Variants in CEP89 observed in about 807,000 individuals in gnomAD.
The protein encoded by CEP89 is centrosomal protein of 89 kDa.
In CEP89, 95 loss-of-function variants were observed where a neutral mutation model predicts 97.6. That is an observed-to-expected ratio of 0.97 (90% CI 0.82 to 1.15). The LOEUF (loss-of-function observed/expected upper bound fraction) is 1.15, where lower values mean the gene tolerates loss of function less well. Among genes scored for constraint, CEP89 ranks in the 50% most tolerant of loss-of-function variants. The pLI is 0.00. For synonymous variants in CEP89, 354 were observed against 349.1 expected (o/e 1.01, Z -0.16); for missense variants, 869 against 947.7 (o/e 0.92, Z 1.09).
intron 5 of CEP89, among the ~76,000 whole-genome samples, chr19:32,942,369 G>A (rs577892037): frequency 2.4e-4 from 37 of 152,154 alleles, no homozygotes; most frequent in African/African-American, 6.7e-4. Flanking sequence ...CAACAAGAGC[G>A]ACCCCGCCTC....
intron 16 of CEP89, among the ~76,000 whole-genome samples, 161 bp from the exon 17 acceptor site, chr19:32,888,002 C>G (rs1226108778): frequency 1.3e-5 from 2 of 152,234 alleles, no homozygotes; most frequent in Non-Finnish European, 2.9e-5. Flanking sequence ...GCCTGGGCCT[C>G]AGGCCAACAG....
intron 14 of CEP89, among the ~76,000 whole-genome samples, chr19:32,907,059 T>G (rs1254836570): frequency 6.6e-6 from 1 of 152,134 alleles, no homozygotes; most frequent in East Asian, 1.9e-4. Context: ...TCCCTGTGGC[T>G]TAAGGAAGAA....
At chr19:32,922,970 C>T (rs1472139589) in intron 12 of CEP89, among the ~76,000 whole-genome samples, 1 of 152,198 alleles carries the variant, frequency 6.6e-6, no homozygotes, top group Non-Finnish European at 1.5e-5. Flanking sequence ...AAGGGGCTTT[C>T]GGAGGAAGGA....
intron 4 of CEP89, among the ~76,000 whole-genome samples, chr19:32,952,903 CAAAAAA>C (rs34455504): frequency 2.7e-4 from 13 of 48,776 alleles, no homozygotes; most frequent in African/African-American, 8.0e-4. Context: ...GACTCTGTCT[CAAAAAA>C]AAAAAAAAAA....
intron 14 of CEP89, among the ~76,000 whole-genome samples, chr19:32,902,860 A>G (rs1474434907): frequency 1.3e-5 from 2 of 152,234 alleles, no homozygotes; most frequent in Non-Finnish European, 2.9e-5. Context: ...CAGTAGGCAG[A>G]ACAATTTCTG....
At chr19:32,935,861 C>T (rs528136489) in intron 7 of CEP89, among the ~76,000 whole-genome samples, 1 of 152,280 alleles carries the variant, frequency 6.6e-6, no homozygotes, top group East Asian at 1.9e-4. Flanking sequence ...GCCCCCACCA[C>T]CCACCATAGG....
At position 32,882,855 on chromosome 19, in the gene CEP89, A is replaced by AT. The variant is rs559147561; in HGVS notation, c.1966-843dup. 2.2e-3 allele frequency among the ~76,000 whole-genome samples: 337 copies of AT among 151,312 alleles called. 2 individuals are homozygous for AT. The highest frequency in any genetic ancestry group is 7.8e-3 in the African/African-American group (321 of 41,306). ...GAAGGTTCTGAATTTTCCTGTGAGC[A>AT]TTTTTTTTCTTTTTTTTTGAGACGG... is the stretch of plus-strand genomic sequence containing the variant. On this transcript the variant is annotated intron_variant, in intron 17 of 18. Coordinates refer to ENST00000305768, the MANE Select transcript of CEP89 (RefSeq NM_032816.5).
chr19:32,880,198 C>T (rs1439367188), intron 18 of CEP89, among the ~76,000 whole-genome samples: 1 of 152,188 alleles, frequency 6.6e-6, no homozygotes, highest in Non-Finnish European at 1.5e-5. Context: ...GGAGCATGGC[C>T]AGGCTGGAGA....
chr19:32,936,585 C>T lies in CEP89; in HGVS notation c.667+1046G>A, dbSNP rs994686409. 2.6e-5 allele frequency among the ~76,000 whole-genome samples: 4 copies of T among 152,118 alleles called. No homozygotes were observed. The highest frequency in any genetic ancestry group is 7.2e-5 in the African/African-American group (3 of 41,434). ...ATGGCCACCCATGGACCAATCGGTGCGCACTTCCTCCCTTCTGAGGCCCAT... is the reference window on the plus strand; with the variant it reads ...ATGGCCACCCATGGACCAATCGGTGTGCACTTCCTCCCTTCTGAGGCCCAT... On this transcript the variant is annotated intron_variant, in intron 7 of 18. Transcript: ENST00000305768. The surrounding 1 kb of genome is among the most constrained non-coding windows in gnomAD (Gnocchi z 4.5).
At chr19:32,901,965 CCA>C (rs142983631) in intron 14 of CEP89, among the ~76,000 whole-genome samples, 7,654 of 146,912 alleles carry the variant, frequency 0.052, 245 homozygotes, top group South Asian at 0.15. Flanking sequence ...TCTTTTTCTC[CCA>C]CAGTTTTGGC....
intron 12 of CEP89, among the ~76,000 whole-genome samples, 164 bp downstream of exon 12, chr19:32,923,275 G>C (rs1201014318): frequency 6.6e-6 from 1 of 152,186 alleles, no homozygotes; most frequent in African/African-American, 2.4e-5. Context: ...TGTAAGTTTA[G>C]AATAATTTAT....
chr19:32,939,733 A>G (rs1599759881), intron 6 of CEP89, 124 bp downstream of exon 6: 2 of 550,380 alleles, frequency 3.6e-6, no homozygotes, highest in South Asian at 3.9e-5. Flanking sequence ...TCTTAAGGGA[A>G]GATTTATTTT....
intron 4 of CEP89, among the ~76,000 whole-genome samples, chr19:32,950,272 T>G (rs1054864846): frequency 3.9e-5 from 6 of 152,084 alleles, no homozygotes; most frequent in African/African-American, 1.4e-4. Context: ...TTAAAAAGCA[T>G]TAGGGGCCAG....
At chr19:32,913,263 C>G (rs574795978) in intron 14 of CEP89, among the ~76,000 whole-genome samples, 1 of 148,394 alleles carries the variant, frequency 6.7e-6, no homozygotes, top group Admixed American at 6.8e-5. Context: ...ATACAAGATT[C>G]TTTTTGACAT....
At chr19:32,890,134 C>T (rs1011681406) in intron 16 of CEP89, among the ~76,000 whole-genome samples, 1 of 152,234 alleles carries the variant, frequency 6.6e-6, no homozygotes, top group South Asian at 2.1e-4. Flanking sequence ...CAGCCGGGCA[C>T]GGTGGTTCAC....
At chr19:32,907,672 G>A (rs1232236057) in intron 14 of CEP89, among the ~76,000 whole-genome samples, 1 of 151,976 alleles carries the variant, frequency 6.6e-6, no homozygotes, top group Non-Finnish European at 1.5e-5. Flanking sequence ...GGCTGGTCTT[G>A]ATCTCCTGAC....
At chr19:32,919,235 C>T (rs1970199014) in intron 12 of CEP89, among the ~76,000 whole-genome samples, 1 of 152,052 alleles carries the variant, frequency 6.6e-6, no homozygotes, top group Non-Finnish European at 1.5e-5. Flanking sequence ...CCTCTCAGCA[C>T]AAACAAATCC....
chr19:32,943,224 T>C (rs1326207302), intron 5 of CEP89, among the ~76,000 whole-genome samples: 1 of 152,228 alleles, frequency 6.6e-6, no homozygotes. Context: ...CTCAAATTCC[T>C]GGGCTCGAGC....
At chr19:32,922,453 G>A (rs1970269341) in intron 12 of CEP89, among the ~76,000 whole-genome samples, 1 of 152,184 alleles carries the variant, frequency 6.6e-6, no homozygotes, top group Non-Finnish European at 1.5e-5. Context: ...TGAGGTGGGA[G>A]GATGGCTTTA....
Sources: allele counts gnomAD v4.1 joint callset (sites outside exome capture counted in the v4.1 genomes callset), GRCh38; gene constraint gnomAD v4.1.1; non-coding constraint Gnocchi (gnomAD v3.1); transcripts MANE v1.5; gene names NCBI Gene and HGNC (gene_info 2026-07-23, HGNC 2026-07-21).